LINGO2: variants seen among roughly 807,000 people sequenced by gnomAD.
LINGO2 encodes the protein leucine-rich repeat and immunoglobulin-like domain-containing nogo receptor-interacting protein 2.
In LINGO2, 14 loss-of-function variants were observed where a neutral mutation model predicts 30.6. The ratio of observed to expected loss-of-function variants is 0.46; its 90% CI spans 0.30 to 0.72. The LOEUF (loss-of-function observed/expected upper bound fraction) is 0.72. LINGO2 is among the 30% of genes least tolerant of loss of function. The pLI is 0.07. For synonymous variants in LINGO2, 317 were observed against 288.5 expected (o/e 1.10, Z -1.00); for missense variants, 729 against 751.7 (o/e 0.97, Z 0.35).
intron 2 of LINGO2, among the ~76,000 whole-genome samples, chr9:28,442,760 A>G (rs918416935): frequency 6.6e-6 from 1 of 152,138 alleles, no homozygotes; most frequent in Non-Finnish European, 1.5e-5. Flanking sequence ...CATCAGTGGT[A>G]TAAGCATTCC....
chr9:29,041,589 A>C, the LINGO2 span, among the ~76,000 whole-genome samples: 1 of 151,970 alleles, frequency 6.6e-6, no homozygotes, highest in African/African-American at 2.4e-5. Flanking sequence ...ACCTAGAGCA[A>C]ATGGACAACC....
intron 1 of LINGO2, among the ~76,000 whole-genome samples, chr9:28,575,902 T>C (rs1328021215): frequency 3.4e-5 from 5 of 148,760 alleles, no homozygotes; most frequent in Non-Finnish European, 1.5e-5. Flanking sequence ...TGAAAGAGTA[T>C]ATAATTATCC....
chr9:28,933,027 C>A, the LINGO2 span, among the ~76,000 whole-genome samples: 8 of 152,178 alleles, frequency 5.3e-5, no homozygotes, highest in East Asian at 1.2e-3. Context: ...GTGTCTCAGC[C>A]TCCTGAGTAG....
rs150347930 is a variant in LINGO2 at position 28,042,145 on chromosome 9, G to T, written c.-86-29740C>A. ...AAGCTTAGTACAATTACAAATGTTA[G>T]TTCCGATGAGTCAGGATCTACATAT... On this transcript the variant is annotated intron_variant, in intron 4 of 5. Coordinates refer to ENST00000379992, the Ensembl canonical transcript of LINGO2. Among the ~76,000 whole-genome samples the T allele has an allele frequency of 2.4e-3, 367 of 152,220 alleles. 3 individuals carry two copies. The highest frequency in any genetic ancestry group is 7.2e-3 in the African/African-American group (301 of 41,550).
intron 4 of LINGO2, among the ~76,000 whole-genome samples, chr9:28,236,843 T>C (rs1821583807): frequency 1.3e-5 from 2 of 152,094 alleles, no homozygotes; most frequent in Admixed American, 1.3e-4. Context: ...TCAGGGGAAC[T>C]ATAGTCAATA....
chr9:28,225,074 T>A (rs983766376), intron 4 of LINGO2, among the ~76,000 whole-genome samples: 1 of 152,140 alleles, frequency 6.6e-6, no homozygotes, highest in African/African-American at 2.4e-5. Context: ...TGCACAGGAA[T>A]AAAACTAGAG....
intron 5 of LINGO2, among the ~76,000 whole-genome samples, chr9:27,990,602 C>A (rs1160005479): frequency 6.6e-6 from 1 of 151,748 alleles, no homozygotes; most frequent in Non-Finnish European, 1.5e-5. Context: ...TGTATTATAT[C>A]AAAATGAGTC....
chr9:28,044,510 A>T (rs998248302), intron 4 of LINGO2, among the ~76,000 whole-genome samples: 1 of 152,204 alleles, frequency 6.6e-6, no homozygotes, highest in African/African-American at 2.4e-5. Context: ...GAGCAACAGC[A>T]TGGGTTGCTA....
chr9:28,740,153 G>T, the LINGO2 span, among the ~76,000 whole-genome samples: 1 of 150,582 alleles, frequency 6.6e-6, no homozygotes, highest in Admixed American at 6.6e-5. Context: ...AATTTCTTAG[G>T]TAAAATGTTT....
intron 2 of LINGO2, among the ~76,000 whole-genome samples, chr9:28,434,529 CAAAA>C (rs3064822): frequency 0.32 from 41,563 of 130,956 alleles, 6,844 homozygotes; most frequent in Non-Finnish European, 0.4. Flanking sequence ...TCTTGAGCAT[CAAAA>C]AAAAAAAAAA....
At chr9:29,019,593 A>T in the LINGO2 span, among the ~76,000 whole-genome samples, 1 of 152,226 alleles carries the variant, frequency 6.6e-6, no homozygotes, top group East Asian at 1.9e-4. Context: ...GTTCAGCCTA[A>T]GTCTGTCACT....
the LINGO2 span, among the ~76,000 whole-genome samples, chr9:29,087,852 T>C: frequency 6.6e-6 from 1 of 152,144 alleles, no homozygotes; most frequent in Admixed American, 6.6e-5. Flanking sequence ...ATCCTGGGAA[T>C]ATTCTTTAAC....
the LINGO2 span, among the ~76,000 whole-genome samples, chr9:28,909,448 T>G: frequency 6.6e-6 from 1 of 151,958 alleles, no homozygotes; most frequent in Non-Finnish European, 1.5e-5. Context: ...TAATAGGTTT[T>G]TTAAAAATAT....
At chr9:28,552,595 T>C (rs1822357217) in intron 1 of LINGO2, among the ~76,000 whole-genome samples, 1 of 151,890 alleles carries the variant, frequency 6.6e-6, no homozygotes, top group Admixed American at 6.6e-5. Flanking sequence ...ACATGGTGAG[T>C]CTATTCATTA....
intron 1 of LINGO2, among the ~76,000 whole-genome samples, chr9:28,630,843 C>T (rs1262904995): frequency 6.6e-6 from 1 of 151,214 alleles, no homozygotes; most frequent in African/African-American, 2.4e-5. Context: ...TTTTAGTAAC[C>T]CTCAGAATCA....
intron 2 of LINGO2, among the ~76,000 whole-genome samples, chr9:28,435,175 C>T (rs954433226): frequency 6.6e-5 from 10 of 152,092 alleles, no homozygotes; most frequent in Non-Finnish European, 1.5e-4. Context: ...ATAATATAGA[C>T]CAGATTCAAA....
the LINGO2 span, among the ~76,000 whole-genome samples, chr9:28,850,183 C>G: frequency 6.6e-6 from 1 of 152,004 alleles, no homozygotes; most frequent in Admixed American, 6.6e-5. Flanking sequence ...ACTCTTCCAG[C>G]AGTTACAAAA....
rs545986532 is a variant in LINGO2 at position 28,306,380 on chromosome 9, C to A, written c.-245-11014G>T. On this transcript the variant is annotated intron_variant, in intron 3 of 5. Coordinates refer to ENST00000379992, the Ensembl canonical transcript of LINGO2. ...AAATAAGGATGTTCTTTGAAACCTA[C>A]GAGAACAAAGACACAACGTACCAGA... 7.4e-3 allele frequency among the ~76,000 whole-genome samples: 1,120 copies of A among 152,046 alleles called. 9 individuals are homozygous for A. The highest frequency in any genetic ancestry group is 0.014 in the Non-Finnish European group (936 of 67,936).
At chr9:28,480,011 C>T (rs1825896865) in intron 1 of LINGO2, among the ~76,000 whole-genome samples, 1 of 144,026 alleles carries the variant, frequency 6.9e-6, no homozygotes, top group African/African-American at 2.5e-5. Flanking sequence ...ATTTCAACCA[C>T]CATAATAAAT....
Sources: gnomAD v4.1 joint callset for allele counts (sites outside exome capture counted in the v4.1 genomes callset) on GRCh38, gnomAD v4.1.1 for gene constraint, MANE v1.5 for transcripts, NCBI Gene and HGNC (gene_info 2026-07-23, HGNC 2026-07-21) for gene names.